TUBA1C: variants seen among roughly 807,000 people sequenced by gnomAD.
TUBA1C encodes tubulin alpha-1C chain.
Under a neutral mutation model 34.9 loss-of-function variants are expected in TUBA1C, and 16 were observed. The ratio of observed to expected loss-of-function variants is 0.46; its 90% CI spans 0.31 to 0.70. The LOEUF is 0.70. TUBA1C is among the 30% of genes least tolerant of loss of function. The probability of loss-of-function intolerance (pLI) is 0.05; values close to 1 mark genes in which losing one functional copy is unlikely to be tolerated. For synonymous variants in TUBA1C, 177 were observed against 215.9 expected, an observed-to-expected ratio of 0.82 and a Z score of 1.58; for missense variants, 329 against 587.3, an observed-to-expected ratio of 0.56 and a Z score of 4.55.
chr12:49,269,100 C>T (rs953901528), intron 1 of TUBA1C, among the ~76,000 whole-genome samples: 16 of 152,326 alleles, frequency 1.1e-4, no homozygotes, highest in African/African-American at 3.8e-4. Context: ...TATCTTGTCA[C>T]TCAGGCTGGA....
At chr12:49,242,039 G>C (rs1261133476) in intron 1 of TUBA1C, among the ~76,000 whole-genome samples, 2 of 150,232 alleles carry the variant, frequency 1.3e-5, no homozygotes, top group Non-Finnish European at 3.0e-5. Flanking sequence ...GCCCAGGCTG[G>C]AGTGCAGTGG....
At chr12:49,241,222 C>T (rs1942611616) in intron 1 of TUBA1C, among the ~76,000 whole-genome samples, 2 of 151,986 alleles carry the variant, frequency 1.3e-5, no homozygotes, top group African/African-American at 4.8e-5. Flanking sequence ...TCTTATAATA[C>T]CATATATAAT....
chr12:49,230,574 G>A (rs1206493433), intron 1 of TUBA1C, among the ~76,000 whole-genome samples: 1 of 152,176 alleles, frequency 6.6e-6, no homozygotes, highest in African/African-American at 2.4e-5. Context: ...AAATGCACAG[G>A]AGAAGACATC....
intron 1 of TUBA1C, among the ~76,000 whole-genome samples, chr12:49,236,288 T>G (rs75215990): frequency 0.019 from 2,902 of 152,284 alleles, 92 homozygotes; most frequent in African/African-American, 0.066. Context: ...GTATTGCACT[T>G]TGTTAAAGTC....
chr12:49,257,109 G>A lies in TUBA1C; in HGVS notation c.214-12356G>A, dbSNP rs143077847. Among the ~76,000 whole-genome samples the A allele has an allele frequency of 2.1e-3, 324 of 151,300 alleles. 4 individuals carry two copies. The East Asian group carries it at 0.045, about 21-fold the overall frequency. ...GCAAGAGAATCACTTGAACCCAGGG[G>A]GCAGAGGTTGCAGTGAGTCCAGATC... On this transcript the variant is annotated intron_variant, in intron 1 of 3. Transcript: ENST00000541364.
intron 1 of TUBA1C, among the ~76,000 whole-genome samples, chr12:49,255,710 C>T (rs541236443): frequency 3.9e-5 from 6 of 152,172 alleles, no homozygotes; most frequent in South Asian, 2.1e-4. Flanking sequence ...GGATTACAGG[C>T]GTCTGCCACC....
rs869028916 is a variant in TUBA1C at position 49,274,285 on chromosome 12, ATTTTTTTTTTTTTTTTTT to A, written c.*1070_*1087del. ...CCACCATGCCTGGCTGATTCTTGTA[ATTTTTTTTTTTTTTTTTT>A]TTTTTTTTTTTGGTAGAGATGGGGT... On this transcript the variant is annotated 3_prime_UTR_variant, in exon 4 of 4. Coordinates refer to ENST00000301072, the MANE Select transcript of TUBA1C (RefSeq NM_032704.5). 1 of 69,696 alleles carries A rather than the reference ATTTTTTTTTTTTTTTTTT, an allele frequency of 1.4e-5. No individual in the cohort carries two copies. The highest frequency in any genetic ancestry group is 7.0e-5 in the African/African-American group (1 of 14,318). The allele number at this position is 69,696 out of a possible 1,614,324, so 4.3% of individuals were successfully genotyped here.
At chr12:49,263,736 A>G (rs1942864304), upstream of TUBA1C, among the ~76,000 whole-genome samples, 1 of 152,176 alleles carries the variant, frequency 6.6e-6, no homozygotes, top group South Asian at 2.1e-4. Context: ...GAGAAACAAA[A>G]ACAACAGAAA....
chr12:49,249,320 G>A (rs1014966802), intron 1 of TUBA1C, among the ~76,000 whole-genome samples: 1 of 151,942 alleles, frequency 6.6e-6, no homozygotes, highest in Non-Finnish European at 1.5e-5. Context: ...CCAGGTACTC[G>A]GGAGGTGGAG....
At chr12:49,243,237 G>A (rs557311655) in intron 1 of TUBA1C, among the ~76,000 whole-genome samples, 1 of 152,252 alleles carries the variant, frequency 6.6e-6, no homozygotes, top group South Asian at 2.1e-4. Context: ...CCTGAGGTCA[G>A]GAGTTCAAGA....
In TUBA1C at chr12:49,253,837, C is replaced by T. The variant is rs538004952; in HGVS notation, c.214-15628C>T. Among the ~76,000 whole-genome samples, 10 of 152,220 alleles carry T rather than the reference C, an allele frequency of 6.6e-5. No homozygotes were observed. In the South Asian group the frequency reaches 2.1e-3, roughly 32 times the overall value. ...ACAGTAACTCAAACTGGTACTGAAA[C>T]TAGAGTTCAGTCCCAATTTGTCTAA... On this transcript the variant is annotated intron_variant, in intron 1 of 3. Transcript: ENST00000541364.
At position 49,269,812 on chromosome 12, in the gene TUBA1C, C is replaced by T. The variant is rs769948837; in HGVS notation, c.227-16C>T. On this transcript the variant is annotated splice_polypyrimidine_tract_variant and intron_variant, in intron 2 of 3. Transcript: ENST00000301072. ...GCTCCTTGTCCCTCCTCCTCCTCCCCCATCATGTTCTCCAGATGAAGTTCG... is the reference window on the plus strand; with the variant it reads ...GCTCCTTGTCCCTCCTCCTCCTCCCTCATCATGTTCTCCAGATGAAGTTCG... 6.2e-7 allele frequency: 1 copy of T among 1,613,890 alleles called. No individual in the cohort carries two copies. Among genetic ancestry groups the T allele is most frequent in the East Asian group, 2.2e-5 (1 of 44,882 alleles).
rs1228653834 is a variant in TUBA1C at position 49,272,755 on chromosome 12, A to G, written c.878A>G (p.Asn293Ser). Residue 293 changes from asparagine to serine, a missense_variant, in exon 4 of 4, where the codon AAT becomes AGT. Around this residue, in one of 4 missense-constraint regions of TUBA1C, gnomAD observed 140 missense variants for 289.8 expected, o/e 0.48. Coordinates refer to ENST00000301072, the MANE Select transcript of TUBA1C (RefSeq NM_032704.5). ...HEQLTVAEIT[N>S]ACFEPANQMV... ...CAGCTTACTGTAGCAGAGATCACCAATGCTTGCTTTGAGCCAGCCAACCAG... is the reference window on the plus strand; with the variant it reads ...CAGCTTACTGTAGCAGAGATCACCAGTGCTTGCTTTGAGCCAGCCAACCAG... 3.7e-6 allele frequency: 6 copies of G among 1,613,550 alleles called. No homozygotes were observed. The highest frequency in any genetic ancestry group is 3.3e-5 in the South Asian group (3 of 91,036).
At chr12:49,256,227 C>T (rs981872054) in intron 1 of TUBA1C, among the ~76,000 whole-genome samples, 4 of 152,228 alleles carry the variant, frequency 2.6e-5, no homozygotes, top group Admixed American at 2.6e-4. Context: ...GCGAAACAGG[C>T]TGTGTAGCTT....
intron 1 of TUBA1C, among the ~76,000 whole-genome samples, chr12:49,265,973 CAAAA>C (rs368947972): frequency 2.5e-5 from 3 of 118,230 alleles, no homozygotes; most frequent in African/African-American, 7.2e-5. Flanking sequence ...AAAAAAAAAA[CAAAA>C]AAAAACGCTG....
In TUBA1C at chr12:49,274,126, A is replaced by G. The variant is rs1205222012; in HGVS notation, c.*899A>G. On this transcript the variant is annotated 3_prime_UTR_variant, in exon 4 of 4. Transcript: ENST00000301072. The stretch of plus-strand genomic sequence containing the variant: ...GAGGTGAGGCTTCAGACACGTCTTA[A>G]ATTTTTTTTCTTTGAGATGGTCTCT... 6.6e-6 allele frequency: 1 copy of G among 151,752 alleles called. No homozygotes were observed. The highest frequency in any genetic ancestry group is 1.5e-5 in the Non-Finnish European group (1 of 67,976). The allele number at this position is 151,752 out of a possible 1,614,324, so 9.4% of individuals were successfully genotyped here.
At chr12:49,248,312 A>C (rs909946271) in intron 1 of TUBA1C, among the ~76,000 whole-genome samples, 3 of 151,934 alleles carry the variant, frequency 2.0e-5, no homozygotes, top group Non-Finnish European at 4.4e-5. Flanking sequence ...GCTCACACCC[A>C]TAAGCCCAGC....
intron 3 of TUBA1C, 70 bp from the exon 4 acceptor site, chr12:49,272,183 T>TAG: frequency 6.5e-7 from 1 of 1,537,686 alleles, no homozygotes; most frequent in East Asian, 2.2e-5. Flanking sequence ...AAGTCCTCTG[T>TAG]AGGTTTCACC....
chr12:49,272,131 AAG>A (rs924339190), intron 3 of TUBA1C, 120 bp from the exon 4 acceptor site: 2 of 1,493,832 alleles, frequency 1.3e-6, no homozygotes, highest in African/African-American at 2.8e-5. Flanking sequence ...CCTGGCCCAG[AAG>A]AGTTTTAAAA....
Sources: gnomAD v4.1 joint callset for allele counts (sites outside exome capture counted in the v4.1 genomes callset) on GRCh38, gnomAD v4.1.1 for gene constraint, gnomAD v4.1.1 regional missense constraint, MANE v1.5 for transcripts, NCBI Gene and HGNC (gene_info 2026-07-23, HGNC 2026-07-21) for gene names.